Variants in KCNH7 observed in about 807,000 individuals in gnomAD.
KCNH7 encodes the protein potassium voltage-gated channel subfamily H member 7.
KCNH7 carries 49 observed loss-of-function variants against 120.8 expected under a neutral mutation model. The ratio of observed to expected loss-of-function variants is 0.41; its 90% CI spans 0.32 to 0.51. The LOEUF is 0.51. Ranked by LOEUF, KCNH7 falls within the 20% of genes least tolerant of loss-of-function variation. KCNH7 has a pLI of 0.38. For synonymous variants in KCNH7, 547 were observed against 516.1 expected (o/e 1.06, Z -0.81); for missense variants, 1,097 against 1,446.6 (o/e 0.76, Z 3.92).
intron 6 of KCNH7, among the ~76,000 whole-genome samples, chr2:162,470,712 T>C (rs59098550): frequency 0.2 from 29,605 of 151,692 alleles, 5,286 homozygotes; most frequent in African/African-American, 0.47. Flanking sequence ...GTGAGGAGCT[T>C]CTCTGCTCGG....
At chr2:162,407,556 C>T (rs1053311210) in intron 9 of KCNH7, among the ~76,000 whole-genome samples, 7 of 151,872 alleles carry the variant, frequency 4.6e-5, no homozygotes, top group South Asian at 2.1e-4. Flanking sequence ...GTGTTAATTC[C>T]GCAAAAGGCT....
At chr2:162,458,710 G>GA (rs1391661080) in intron 6 of KCNH7, among the ~76,000 whole-genome samples, 7 of 152,180 alleles carry the variant, frequency 4.6e-5, no homozygotes, top group Admixed American at 4.6e-4. Flanking sequence ...AACCACGTGA[G>GA]AAATGGGAGA....
chr2:162,732,003 G>T (rs921994628), intron 2 of KCNH7, among the ~76,000 whole-genome samples: 2 of 152,158 alleles, frequency 1.3e-5, no homozygotes, highest in African/African-American at 4.8e-5. Flanking sequence ...CAGCTAAATG[G>T]CAAAGTAAGT....
rs556920907 is a variant in KCNH7, at chr2:162,463,351, C to T, written c.1129-16908G>A. 7.2e-5 allele frequency among the ~76,000 whole-genome samples: 11 copies of T among 151,922 alleles called. No individual in the cohort carries two copies. In the South Asian group the frequency reaches 2.1e-3, roughly 29 times the overall value. On this transcript the variant is annotated intron_variant, in intron 6 of 15. Transcript: ENST00000332142. Reference sequence around the variant, plus strand: ...CCCTCTCTCCTTTTCCTCCTTCCTTCCCTCCCTTTCTTCCCTTTTTTTCTC... The same window carrying T: ...CCCTCTCTCCTTTTCCTCCTTCCTTTCCTCCCTTTCTTCCCTTTTTTTCTC...
chr2:162,606,400 C>A (rs1027292286), intron 2 of KCNH7, among the ~76,000 whole-genome samples: 6 of 152,232 alleles, frequency 3.9e-5, no homozygotes, highest in Admixed American at 2.0e-4. Flanking sequence ...TTAAAATCAT[C>A]ATTGATTTAA....
At chr2:162,586,653 C>T (rs4664473) in intron 2 of KCNH7, among the ~76,000 whole-genome samples, 94,021 of 150,224 alleles carry the variant, frequency 0.63, 30,656 homozygotes, top group African/African-American at 0.81. Context: ...ATAATGATAA[C>T]GGTTTCTTTC....
chr2:162,599,587 T>A (rs898949492), intron 2 of KCNH7, among the ~76,000 whole-genome samples: 1 of 151,984 alleles, frequency 6.6e-6, no homozygotes, highest in African/African-American at 2.4e-5. Context: ...CTTCCTAACT[T>A]TTTATATTTC....
At chr2:162,836,336 A>G (rs1231735888) in intron 2 of KCNH7, among the ~76,000 whole-genome samples, 1 of 152,180 alleles carries the variant, frequency 6.6e-6, no homozygotes, top group Non-Finnish European at 1.5e-5. Flanking sequence ...TGAAGAGATT[A>G]CAGTACCCTT....
In KCNH7 at chr2:162,470,352, G is replaced by A. The variant is rs370101531; in HGVS notation, c.1129-23909C>T. On this transcript the variant is annotated intron_variant, in intron 6 of 15. Transcript: ENST00000332142. ...TGGGATGTGAGGAGCGCCTCTGCCC[G>A]GCCGCGACCCTGTCTGGGAGGTGAG... 4.0e-4 allele frequency among the ~76,000 whole-genome samples: 60 copies of A among 150,760 alleles called. No individual in the cohort carries two copies. In the East Asian group the frequency reaches 7.9e-3, roughly 20 times the overall value.
chr2:162,711,386 C>A (rs1686924766), intron 2 of KCNH7, among the ~76,000 whole-genome samples: 1 of 152,324 alleles, frequency 6.6e-6, no homozygotes, highest in Middle Eastern at 3.4e-3. Flanking sequence ...CTCTGACCAG[C>A]AACACCTTGA....
At chr2:162,771,543 T>G (rs576899956) in intron 2 of KCNH7, among the ~76,000 whole-genome samples, 1 of 152,160 alleles carries the variant, frequency 6.6e-6, no homozygotes, top group Non-Finnish European at 1.5e-5. Flanking sequence ...GTATACATTT[T>G]TATTGCCTCT....
chr2:162,678,606 C>T (rs1043270615), intron 2 of KCNH7, among the ~76,000 whole-genome samples: 1 of 151,466 alleles, frequency 6.6e-6, no homozygotes, highest in Non-Finnish European at 1.5e-5. Context: ...ACATATCAAA[C>T]TCAAACGAAT....
At chr2:162,438,139 ATAGT>A (rs773510733) in intron 7 of KCNH7, among the ~76,000 whole-genome samples, 1 of 152,186 alleles carries the variant, frequency 6.6e-6, no homozygotes, top group Non-Finnish European at 1.5e-5. Context: ...AATTCTCCAA[ATAGT>A]TGGTTAAATG....
At chr2:162,634,380 C>A (rs75726170) in intron 2 of KCNH7, among the ~76,000 whole-genome samples, 4 of 151,826 alleles carry the variant, frequency 2.6e-5, no homozygotes, top group African/African-American at 9.7e-5. Context: ...GCTAGGATGA[C>A]GTATTGACAA....
intron 2 of KCNH7, among the ~76,000 whole-genome samples, chr2:162,587,485 T>C (rs1318691501): frequency 6.6e-6 from 1 of 152,080 alleles, no homozygotes; most frequent in Non-Finnish European, 1.5e-5. Context: ...AGTATCAATT[T>C]TATTGTGAAG....
intron 3 of KCNH7, chr2:162,528,169 G>A (rs879710204): frequency 1.3e-5 from 2 of 151,966 alleles, no homozygotes; most frequent in Non-Finnish European, 2.9e-5. Flanking sequence ...CTACGAACAT[G>A]TATTAGATAC....
At chr2:162,678,445 A>G (rs1279858449) in intron 2 of KCNH7, among the ~76,000 whole-genome samples, 1 of 151,480 alleles carries the variant, frequency 6.6e-6, no homozygotes, top group Non-Finnish European at 1.5e-5. Context: ...TTCATCAACA[A>G]TAAAAATATT....
chr2:162,447,765 A>C (rs1446389737), intron 6 of KCNH7, among the ~76,000 whole-genome samples: 1 of 152,052 alleles, frequency 6.6e-6, no homozygotes, highest in African/African-American at 2.4e-5. Flanking sequence ...TAAATCTTAT[A>C]TTTATTGTCA....
chr2:162,747,697 C>T (rs1040627892), intron 2 of KCNH7, among the ~76,000 whole-genome samples: 5 of 152,082 alleles, frequency 3.3e-5, no homozygotes, highest in South Asian at 2.1e-4. Context: ...GAGCACACTG[C>T]GACTGAAAGC....
Sources: gnomAD v4.1 joint callset for allele counts (sites outside exome capture counted in the v4.1 genomes callset) on GRCh38, gnomAD v4.1.1 for gene constraint, MANE v1.5 for transcripts, NCBI Gene and HGNC (gene_info 2026-07-23, HGNC 2026-07-21) for gene names.